The following IFRD1 variants were observed in gnomAD, a reference collection of about 807,000 sequenced individuals.
The protein encoded by IFRD1 is interferon-related developmental regulator 1.
A neutral mutation model predicts 52.9 loss-of-function variants in IFRD1; 35 were observed. The observed-to-expected ratio is 0.66, with a 90% CI of 0.51 to 0.88. IFRD1 has a LOEUF of 0.88. IFRD1 is among the 40% of genes least tolerant of loss of function. The probability of loss-of-function intolerance (pLI) is 0.00; values close to 1 mark genes in which losing one functional copy is unlikely to be tolerated. For synonymous variants in IFRD1, 184 were observed against 188.4 expected, an observed-to-expected ratio of 0.98 and a Z score of 0.19; for missense variants, 517 against 550.8, an observed-to-expected ratio of 0.94 and a Z score of 0.61.
chr7:112,463,438 G>A (rs1056816665), intron 8 of IFRD1, among the ~76,000 whole-genome samples: 1 of 152,028 alleles, frequency 6.6e-6, no homozygotes, highest in Non-Finnish European at 1.5e-5. Flanking sequence ...ATTGAAGGAA[G>A]TTTACAGTCT....
intron 1 of IFRD1, among the ~76,000 whole-genome samples, chr7:112,434,482 G>T (rs1022630054): frequency 1.8e-4 from 28 of 152,056 alleles, no homozygotes; most frequent in Non-Finnish European, 1.5e-4. Flanking sequence ...AACAGCCAGG[G>T]TTATATACTG....
chr7:112,445,192 G>A (rs916113257), intron 1 of IFRD1, among the ~76,000 whole-genome samples: 8 of 150,510 alleles, frequency 5.3e-5, no homozygotes, highest in Admixed American at 3.3e-4. Context: ...TCAGCCTCCC[G>A]AGTAGCTGGG....
At chr7:112,469,572 T>A (rs1228576562) in intron 9 of IFRD1, among the ~76,000 whole-genome samples, 1 of 152,168 alleles carries the variant, frequency 6.6e-6, no homozygotes, top group Non-Finnish European at 1.5e-5. Context: ...TTTGAGTTAC[T>A]GTAGTCTCCA....
At chr7:112,473,215 A>G (rs1584504759) in intron 11 of IFRD1, among the ~76,000 whole-genome samples, 3 of 152,146 alleles carry the variant, frequency 2.0e-5, no homozygotes, top group Non-Finnish European at 2.9e-5. Context: ...TAATATGTAC[A>G]TATATATTTT....
chr7:112,456,977 T>A lies in IFRD1; in HGVS notation c.348T>A (p.Tyr116Ter). ...IKNALASKMLYEFILERRMTL... is the reference protein window; with the variant it reads ...IKNALASKML ...ATGCACTGGCTTCAAAAATGCTGTA[T>A]GAATTTATTCTGGAAAGGAGAATGA... is the stretch of plus-strand genomic sequence containing the variant. Residue 116 changes from tyrosine to a stop codon, truncating the protein, a stop_gained, in exon 4 of 12, where the codon TAT becomes TAA. Coordinates refer to ENST00000403825, the MANE Select transcript of IFRD1 (RefSeq NM_001550.4). LOFTEE classifies it high-confidence loss of function. The A allele has an allele frequency of 6.2e-7, 1 of 1,613,936 alleles. No homozygotes were observed. The highest frequency in any genetic ancestry group is 8.5e-7 in the Non-Finnish European group (1 of 1,179,832).
At chr7:112,438,232 TA>T (rs763479705) in intron 1 of IFRD1, among the ~76,000 whole-genome samples, 1 of 152,030 alleles carries the variant, frequency 6.6e-6, no homozygotes, top group Non-Finnish European at 1.5e-5. Flanking sequence ...ACTGATTTCA[TA>T]AAAAAAGGGG....
chr7:112,446,978 C>T (rs10155882), upstream of IFRD1, among the ~76,000 whole-genome samples: 87,219 of 151,860 alleles, frequency 0.57, 25,332 homozygotes, highest in Non-Finnish European at 0.63. Context: ...AAACAGATTC[C>T]GACAAGCCCT....
At chr7:112,438,585 C>G (rs1240413210) in intron 1 of IFRD1, among the ~76,000 whole-genome samples, 1 of 152,104 alleles carries the variant, frequency 6.6e-6, no homozygotes, top group Non-Finnish European at 1.5e-5. Context: ...AAAAATTTAT[C>G]ATAAGAAACA....
rs559661715 is a variant in IFRD1 at position 112,459,109 on chromosome 7, C to A, written c.567+91C>A. The A allele has an allele frequency of 8.4e-5, 92 of 1,096,144 alleles. No homozygotes were observed. In the African/African-American group the frequency reaches 1.3e-3, roughly 15 times the overall value. 67.9% of individuals were successfully genotyped at this position (1,096,144 alleles called of 1,614,324 possible). Reference sequence around the variant, plus strand: ...AGTACTGTACCAGCTACTCAAGAGGCTGAGGCAAGAGAGAGGATCTTGTAA... The same window carrying A: ...AGTACTGTACCAGCTACTCAAGAGGATGAGGCAAGAGAGAGGATCTTGTAA... On this transcript the variant is annotated intron_variant, in intron 5 of 11. Transcript: ENST00000403825.
chr7:112,450,716 C>G lies in IFRD1; in HGVS notation c.28C>G (p.Pro10Ala), dbSNP rs1795133968. Residue 10 changes from proline to alanine, a missense_variant, in exon 1 of 12, where the codon CCC becomes GCC. Physicochemically the swap from Pro to Ala is conservative, Grantham distance 27. Transcript: ENST00000403825. ...GCCGAAGAACAAGAAGCGGAACACT[C>G]CCCACCGCGGTAGCAGTGCTGGCGG... Reference protein sequence around the residue: MPKNKKRNTPHRGSSAGGGG... With the variant: MPKNKKRNTAHRGSSAGGGG... 2 of 1,612,764 alleles carry G rather than the reference C, an allele frequency of 1.2e-6. No homozygotes were observed. The highest frequency in any genetic ancestry group is 1.7e-6 in the Non-Finnish European group (2 of 1,179,854).
chr7:112,428,247 A>G (rs1477175421), intron 1 of IFRD1, among the ~76,000 whole-genome samples: 1 of 152,212 alleles, frequency 6.6e-6, no homozygotes, highest in East Asian at 1.9e-4. Flanking sequence ...TGCTTATAAT[A>G]CTATGGAGGC....
At chr7:112,458,831 A>G (rs2117301904) in intron 4 of IFRD1, 30 bp from the exon 5 acceptor site, 1 of 1,606,640 alleles carries the variant, frequency 6.2e-7, no homozygotes, top group Non-Finnish European at 8.5e-7. Flanking sequence ...TGAAAAGACT[A>G]TCGTGATTGC....
In IFRD1 at chr7:112,476,732, G is replaced by A. The variant is rs916757478; in HGVS notation, c.*1213G>A. The A allele has an allele frequency of 6.6e-6, 1 of 152,128 alleles. No homozygotes were observed. The highest frequency in any genetic ancestry group is 1.5e-5 in the Non-Finnish European group (1 of 68,022). 9.4% of individuals were successfully genotyped at this position (152,128 alleles called of 1,614,324 possible). On this transcript the variant is annotated 3_prime_UTR_variant, in exon 12 of 12. Transcript: ENST00000403825. Reference sequence around the variant, plus strand: ...TTTATGAAAAGCATTTTGACAACACGTTAACATTTAATAAACTTTAGATTA... The same window carrying A: ...TTTATGAAAAGCATTTTGACAACACATTAACATTTAATAAACTTTAGATTA...
At chr7:112,433,607 C>T (rs1794595702) in intron 1 of IFRD1, among the ~76,000 whole-genome samples, 2 of 152,178 alleles carry the variant, frequency 1.3e-5, no homozygotes, top group Non-Finnish European at 2.9e-5. Context: ...ATCTAGTCCC[C>T]AGGCAGAAAG....
At chr7:112,475,396 TA>T in intron 11 of IFRD1, 33 bp from the exon 12 acceptor site, 1 of 1,201,676 alleles carries the variant, frequency 8.3e-7, no homozygotes. Context: ...TCTTAAGTCT[TA>T]CTGATGCACG....
chr7:112,459,102 C>G, intron 5 of IFRD1, 84 bp downstream of exon 5: 1 of 1,172,020 alleles, frequency 8.5e-7, no homozygotes, highest in Non-Finnish European at 1.3e-6. Flanking sequence ...ACCAGCTACT[C>G]AAGAGGCTGA....
At chr7:112,433,811 T>A (rs1285184065) in intron 1 of IFRD1, among the ~76,000 whole-genome samples, 1 of 151,216 alleles carries the variant, frequency 6.6e-6, no homozygotes, top group Non-Finnish European at 1.5e-5. Context: ...AAAGGCAGTT[T>A]CACAACTAAA....
chr7:112,474,663 C>T (rs12154282), intron 11 of IFRD1, among the ~76,000 whole-genome samples: 44,316 of 151,996 alleles, frequency 0.29, 7,238 homozygotes, highest in Non-Finnish European at 0.38. Context: ...TTTAAATTGT[C>T]TCCAGCAATG....
chr7:112,472,580 C>T (rs1305185999), intron 10 of IFRD1, among the ~76,000 whole-genome samples, 186 bp from the exon 11 acceptor site: 1 of 152,082 alleles, frequency 6.6e-6, no homozygotes, highest in Non-Finnish European at 1.5e-5. Flanking sequence ...AAGCAAATAG[C>T]TTGACATAGC....
Sources: gnomAD v4.1 joint callset for allele counts (sites outside exome capture counted in the v4.1 genomes callset) on GRCh38, gnomAD v4.1.1 for gene constraint, MANE v1.5 for transcripts, NCBI Gene and HGNC (gene_info 2026-07-23, HGNC 2026-07-21) for gene names.